The following DGKI variants were observed in gnomAD, a reference collection of about 807,000 sequenced individuals.
DGKI encodes diacylglycerol kinase iota, also known as DAG kinase iota.
In DGKI, 55 loss-of-function variants were observed where a neutral mutation model predicts 147.5. The ratio of observed to expected loss-of-function variants is 0.37; its 90% CI spans 0.30 to 0.47. The LOEUF is 0.47. DGKI is among the 20% of genes least tolerant of loss of function. The pLI is 1.00. For missense variants in DGKI, 1,007 were observed against 1,323.8 expected, an observed-to-expected ratio of 0.76 and a Z score of 3.71; for synonymous variants, 469 against 477.1, an observed-to-expected ratio of 0.98 and a Z score of 0.22.
intron 28 of DGKI, among the ~76,000 whole-genome samples, chr7:137,427,986 G>C (rs547373525): frequency 6.6e-6 from 1 of 150,760 alleles, no homozygotes; most frequent in East Asian, 1.9e-4. Flanking sequence ...GGAGGAACTG[G>C]TACCATTCCT....
intron 21 of DGKI, among the ~76,000 whole-genome samples, chr7:137,507,799 T>A (rs1200976995): frequency 6.6e-6 from 1 of 152,156 alleles, no homozygotes; most frequent in Non-Finnish European, 1.5e-5. Flanking sequence ...ATGATATCTT[T>A]GTGGCAGGAA....
At chr7:137,580,930 C>T (rs1386449791) in intron 15 of DGKI, among the ~76,000 whole-genome samples, 1 of 152,098 alleles carries the variant, frequency 6.6e-6, no homozygotes, top group African/African-American at 2.4e-5. Flanking sequence ...TAACAATCTA[C>T]ATCCTAGCAT....
At chr7:137,843,080 A>T (rs1798593889) in intron 1 of DGKI, among the ~76,000 whole-genome samples, 1 of 152,204 alleles carries the variant, frequency 6.6e-6, no homozygotes. Context: ...CATTTTCAAT[A>T]AAATGGAAAT....
intron 1 of DGKI, among the ~76,000 whole-genome samples, chr7:137,724,909 TC>T (rs1794677047): frequency 6.6e-6 from 1 of 152,100 alleles, no homozygotes; most frequent in African/African-American, 2.4e-5. Context: ...AATGCTATAC[TC>T]ATACTGCACC....
At chr7:137,777,395 C>T (rs1219191618) in intron 1 of DGKI, among the ~76,000 whole-genome samples, 1 of 152,048 alleles carries the variant, frequency 6.6e-6, no homozygotes, top group Non-Finnish European at 1.5e-5. Flanking sequence ...GATTATGTAG[C>T]AGTCAAAAAA....
At chr7:137,452,141 C>G (rs145790785) in intron 27 of DGKI, among the ~76,000 whole-genome samples, 24 of 152,338 alleles carry the variant, frequency 1.6e-4, no homozygotes, top group African/African-American at 5.8e-4. Context: ...CACTGCTAAA[C>G]CATCACCTGG....
intron 21 of DGKI, among the ~76,000 whole-genome samples, chr7:137,518,885 C>A (rs1175808838): frequency 6.6e-6 from 1 of 152,034 alleles, no homozygotes; most frequent in Non-Finnish European, 1.5e-5. Context: ...CACTTGTATA[C>A]TTCTGTTTAT....
chr7:137,542,584 G>T (rs1817738914), intron 20 of DGKI, among the ~76,000 whole-genome samples: 1 of 152,184 alleles, frequency 6.6e-6, no homozygotes, highest in African/African-American at 2.4e-5. Flanking sequence ...ATTAGTGGTT[G>T]CCAGAGGTTG....
intron 11 of DGKI, among the ~76,000 whole-genome samples, chr7:137,598,756 G>A (rs759740351): frequency 7.2e-5 from 11 of 151,966 alleles, no homozygotes; most frequent in Non-Finnish European, 1.5e-4. Flanking sequence ...TGTCTCTCTA[G>A]GGTCTAACTA....
At chr7:137,619,428 T>C (rs1820663599) in intron 8 of DGKI, among the ~76,000 whole-genome samples, 2 of 152,172 alleles carry the variant, frequency 1.3e-5, no homozygotes, top group South Asian at 4.1e-4. Context: ...AACCAAACCA[T>C]GAAGCCTGAA....
At chr7:137,496,909 T>G (rs2128940446) in intron 21 of DGKI, among the ~76,000 whole-genome samples, 1 of 152,086 alleles carries the variant, frequency 6.6e-6, no homozygotes, top group Non-Finnish European at 1.5e-5. Context: ...ATGACAAAGA[T>G]ACCAAATGCC....
At chr7:137,769,006 C>T (rs563552497) in intron 1 of DGKI, among the ~76,000 whole-genome samples, 1 of 152,170 alleles carries the variant, frequency 6.6e-6, no homozygotes, top group South Asian at 2.1e-4. Flanking sequence ...TAAGAGATTT[C>T]TGAAGAAGTC....
At chr7:137,621,236 T>C (rs1820736306) in intron 7 of DGKI, among the ~76,000 whole-genome samples, 3 of 152,226 alleles carry the variant, frequency 2.0e-5, no homozygotes, top group Admixed American at 2.0e-4. Context: ...ATAAATATTA[T>C]TAACATTTGA....
At chr7:137,504,137 G>A (rs540501789) in intron 21 of DGKI, among the ~76,000 whole-genome samples, 1 of 152,256 alleles carries the variant, frequency 6.6e-6, no homozygotes, top group Admixed American at 6.5e-5. Flanking sequence ...GTGATAATGG[G>A]ATTTATAAAA....
intron 1 of DGKI, among the ~76,000 whole-genome samples, chr7:137,837,299 G>A: frequency 6.6e-6 from 1 of 152,160 alleles, no homozygotes; most frequent in East Asian, 1.9e-4. Context: ...GTTAATCGTT[G>A]CGGTCAGTAT....
intron 1 of DGKI, among the ~76,000 whole-genome samples, chr7:137,734,601 C>T (rs1794971584): frequency 6.6e-6 from 1 of 152,012 alleles, no homozygotes; most frequent in Non-Finnish European, 1.5e-5. Flanking sequence ...GCAGATTCTT[C>T]AAACCCAGGT....
chr7:137,552,355 A>G lies in DGKI; in HGVS notation c.2147+14T>C, dbSNP rs983069256. 9 of 1,612,324 alleles carry G rather than the reference A, an allele frequency of 5.6e-6. No individual in the cohort carries two copies. In the African/African-American group the frequency reaches 9.3e-5, roughly 17 times the overall value. ...GTCTTCATGTTAAGCAAGGTAGGCC[A>G]TGAGCAGACTCACTCATTGAGTAAA... is the stretch of plus-strand genomic sequence containing the variant. On this transcript the variant is annotated intron_variant, in intron 20 of 32. Coordinates refer to ENST00000614521, the MANE Select transcript of DGKI (RefSeq NM_001321708.2).
chr7:137,589,235 C>T (rs926003846), intron 12 of DGKI, among the ~76,000 whole-genome samples: 1 of 152,230 alleles, frequency 6.6e-6, no homozygotes, highest in Non-Finnish European at 1.5e-5. Flanking sequence ...GTCATGGTAA[C>T]GTTGGTTCTC....
At chr7:137,655,688 C>T (rs1280064384) in intron 4 of DGKI, among the ~76,000 whole-genome samples, 2 of 152,168 alleles carry the variant, frequency 1.3e-5, no homozygotes, top group African/African-American at 4.8e-5. Flanking sequence ...GTCATTGCCA[C>T]AAGATATCAG....
Sources: allele counts gnomAD v4.1 joint callset (sites outside exome capture counted in the v4.1 genomes callset), GRCh38; gene constraint gnomAD v4.1.1; transcripts MANE v1.5; gene names NCBI Gene and HGNC (gene_info 2026-07-23, HGNC 2026-07-21).